Variants in SQSTM1 observed in about 807,000 individuals in gnomAD.
SQSTM1 encodes the protein sequestosome 1.
A neutral mutation model predicts 45.1 loss-of-function variants in SQSTM1; 36 were observed. The ratio of observed to expected loss-of-function variants is 0.80; its 90% CI spans 0.61 to 1.05. SQSTM1 has a LOEUF of 1.05. Ranked by LOEUF, SQSTM1 falls within the 50% of genes least tolerant of loss-of-function variation. The pLI is 0.00. For missense variants in SQSTM1, 617 were observed against 607.1 expected (o/e 1.02, Z -0.17); for synonymous variants, 290 against 244.3 (o/e 1.19, Z -1.74).
upstream of SQSTM1, chr5:179,820,620 C>T (rs1757736932): frequency 1.3e-5 from 4 of 298,928 alleles, no homozygotes; most frequent in South Asian, 1.9e-4. Context: ...ACCCTGATCC[C>T]AGGTGCAGAG....
At chr5:179,829,841 A>G (rs1437050178) in intron 5 of SQSTM1, among the ~76,000 whole-genome samples, 3 of 152,198 alleles carry the variant, frequency 2.0e-5, no homozygotes, top group Non-Finnish European at 2.9e-5. Flanking sequence ...CATGCCTGTA[A>G]TCCCAACACT....
chr5:179,827,612 AAG>A (rs1157459453), intron 5 of SQSTM1, among the ~76,000 whole-genome samples: 3 of 152,210 alleles, frequency 2.0e-5, no homozygotes, highest in African/African-American at 7.2e-5. Context: ...CTAAAAGCTA[AAG>A]GCTTAAAGTG....
chr5:179,832,994 G>T (rs1414208324), intron 5 of SQSTM1, 38 bp from the exon 6 acceptor site: 1 of 1,609,572 alleles, frequency 6.2e-7, no homozygotes, highest in Admixed American at 1.7e-5. Context: ...CATCCTTGGG[G>T]GAACTTCACG....
Position 179,821,034 on chromosome 5 carries a change from C to G in SQSTM1, c.98C>G (p.Ala33Gly), listed in dbSNP as rs200396166. 1 of 1,554,856 alleles carries G rather than the reference C, an allele frequency of 6.4e-7. No homozygotes were observed. The highest frequency in any genetic ancestry group is 1.4e-5 in the African/African-American group (1 of 70,672). Residue 33 changes from alanine (A) to glycine (G), a missense_variant, in exon 1 of 8, where the codon GCG (alanine) becomes GGG (glycine). Ala to Gly is a moderately conservative substitution (Grantham distance 60). Coordinates refer to ENST00000389805, the MANE Select transcript of SQSTM1 (RefSeq NM_003900.5). The stretch of plus-strand genomic sequence containing the variant: ...TTCTGCTGCAGCCCCGAGCCTGAGG[C>G]GGAAGCCGAGGCTGCGGCGGGTCCG... ...FSFCCSPEPE[A>G]EAEAAAGPGP...
chr5:179,820,925 T>A lies in SQSTM1; in HGVS notation c.-12T>A. 1 of 1,527,718 alleles carries A rather than the reference T, an allele frequency of 6.5e-7. No individual in the cohort carries two copies. Among genetic ancestry groups the A allele is most frequent in the Middle Eastern group, 1.8e-4 (1 of 5,552 alleles). 94.6% of individuals were successfully genotyped at this position (1,527,718 alleles called of 1,614,324 possible). A position where few individuals can be genotyped will look rare whatever the true frequency, so the allele number is the denominator to read the frequency against. ...CCGGGACGGCCCGTTTTCCGCCAGC[T>A]CGCCGCTCGCTATGGCGTCGCTCAC... is the stretch of plus-strand genomic sequence containing the variant. On this transcript the variant is annotated 5_prime_UTR_variant, in exon 1 of 8. Transcript: ENST00000389805.
At chr5:179,813,972 C>T (rs1195007805), upstream of SQSTM1, among the ~76,000 whole-genome samples, 6 of 152,142 alleles carry the variant, frequency 3.9e-5, no homozygotes, top group Admixed American at 1.3e-4. Context: ...TGTTGGTTTA[C>T]GAGCTCTCAA....
rs769247344 is a variant in SQSTM1, at chr5:179,806,586, C to T, written c.-162C>T. ...AAGGTGCCATTGCGGAGCCTCATCT[C>T]CTCGGGTGCGCGGCGGGCGCCCGCG... On this transcript the variant is annotated 5_prime_UTR_variant, in exon 1 of 6. Coordinates refer to the SQSTM1 transcript ENST00000514093. The surrounding 1 kb of genome is among the most constrained non-coding windows in gnomAD (Gnocchi z 4.6). 7.9e-7 allele frequency: 1 copy of T among 1,258,308 alleles called. No homozygotes were observed. Among genetic ancestry groups the T allele is most frequent in the South Asian group, 1.6e-5 (1 of 60,750 alleles). The allele number at this position is 1,258,308 out of a possible 1,614,324, so 77.9% of individuals were successfully genotyped here.
chr5:179,828,531 C>CGTGA (rs1340254460), intron 5 of SQSTM1, among the ~76,000 whole-genome samples: 2 of 151,936 alleles, frequency 1.3e-5, no homozygotes, highest in Non-Finnish European at 2.9e-5. Context: ...TGCACCATCA[C>CGTGA]GCCTGGCTAA....
At chr5:179,831,902 G>T (rs1758239145) in intron 5 of SQSTM1, among the ~76,000 whole-genome samples, 1 of 151,460 alleles carries the variant, frequency 6.6e-6, no homozygotes, top group African/African-American at 2.4e-5. Flanking sequence ...TTCTGCCTCG[G>T]CCTCCCGAGT....
rs759140266 is a variant in SQSTM1 at position 179,833,023 on chromosome 5, C to T, written c.755-9C>T. 56 of 1,613,936 alleles carry T rather than the reference C, an allele frequency of 3.5e-5. No individual in the cohort carries two copies. The Middle Eastern group carries it at 4.9e-4, about 14-fold the overall frequency. On this transcript the variant is annotated splice_polypyrimidine_tract_variant and intron_variant, in intron 5 of 7. Transcript: ENST00000389805. ...CTTCACGGCTTGCTCTTTCCTCCTC[C>T]GCCTCTAGGCATTGAAGTTGATATC...
intron 1 of SQSTM1, among the ~76,000 whole-genome samples, chr5:179,809,005 C>A (rs1481551876): frequency 6.0e-5 from 9 of 150,720 alleles, no homozygotes; most frequent in South Asian, 2.1e-4. Flanking sequence ...CTACAGGCAC[C>A]CACCACCACG....
chr5:179,827,070 G>A (rs934926774), intron 5 of SQSTM1, among the ~76,000 whole-genome samples: 2 of 152,200 alleles, frequency 1.3e-5, no homozygotes, highest in Non-Finnish European at 2.9e-5. Context: ...ATCCCGGGAA[G>A]TCACAAAACC....
chr5:179,820,392 G>A (rs1184888956), upstream of SQSTM1: 2 of 152,854 alleles, frequency 1.3e-5, no homozygotes, highest in Non-Finnish European at 2.9e-5. Flanking sequence ...TGCGCTGTAA[G>A]AGGGCTGCCA....
At chr5:179,823,706 G>A in intron 2 of SQSTM1, 152 bp from the exon 3 acceptor site, 2 of 787,468 alleles carry the variant, frequency 2.5e-6, no homozygotes, top group Admixed American at 2.4e-5. Context: ...TGGTGGCTCT[G>A]CTGCCCTCAC....
chr5:179,807,057 G>C (rs989894902), intron 1 of SQSTM1: 1 of 151,770 alleles, frequency 6.6e-6, no homozygotes, highest in Non-Finnish European at 1.5e-5. Context: ...GGGTGGGGTG[G>C]GGGCCGGCGG....
intron 2 of SQSTM1, chr5:179,823,594 G>C (rs1757873269): frequency 1.8e-6 from 1 of 555,606 alleles, no homozygotes; most frequent in Admixed American, 3.1e-5. Flanking sequence ...CGTGGCGCTT[G>C]GGTGAAGGGC....
chr5:179,818,321 C>T (rs1269007366), upstream of SQSTM1, among the ~76,000 whole-genome samples: 1 of 152,158 alleles, frequency 6.6e-6, no homozygotes, highest in Non-Finnish European at 1.5e-5. Flanking sequence ...AGGAACTCAT[C>T]CCCTGTGTCC....
At chr5:179,821,707 G>A (rs1026364680) in intron 1 of SQSTM1, 10 of 349,076 alleles carry the variant, frequency 2.9e-5, no homozygotes, top group Non-Finnish European at 5.7e-5. Flanking sequence ...CTCCGAGCCA[G>A]GTCGAGTACA....
rs2113487897 is a variant in SQSTM1 at position 179,823,967 on chromosome 5, A to G, written c.411A>G (p.Gly137=). ...ATGGCTGCAATGGGCCTGTGGTAGG[A>G]ACCCGCTACAAGTGCAGCGTCTGCC... ...ICDGCNGPVV[G]TRYKCSVCPD... The change falls in exon 3 of 8, where the codon GGA becomes GGG. Residue 137 remains glycine (G), a synonymous_variant. Transcript: ENST00000389805. 1.2e-6 allele frequency: 2 copies of G among 1,614,040 alleles called. No homozygotes were observed. Among genetic ancestry groups the G allele is most frequent in the Non-Finnish European group, 1.7e-6 (2 of 1,180,044 alleles).
Sources: allele counts gnomAD v4.1 joint callset (sites outside exome capture counted in the v4.1 genomes callset), GRCh38; gene constraint gnomAD v4.1.1; non-coding constraint Gnocchi (gnomAD v3.1); transcripts MANE v1.5; gene names NCBI Gene and HGNC (gene_info 2026-07-23, HGNC 2026-07-21).